The following CFAP99 variants were observed in gnomAD, a reference collection of about 807,000 sequenced individuals.
CFAP99 encodes the protein cilia- and flagella-associated protein 99.
CFAP99 carries 84 observed loss-of-function variants against 82.7 expected under a neutral mutation model. That is an observed-to-expected ratio of 1.02 (90% CI 0.85 to 1.22). The LOEUF (loss-of-function observed/expected upper bound fraction) is 1.22. Ranked by LOEUF, CFAP99 falls within the 50% of genes most tolerant of loss-of-function variation. The pLI is 0.00. For missense variants in CFAP99, 1,059 were observed against 983.5 expected (o/e 1.08, Z -1.03); for synonymous variants, 456 against 429.5 (o/e 1.06, Z -0.76).
At chr4:2,430,565 C>T (rs1733779445) in intron 2 of CFAP99, among the ~76,000 whole-genome samples, 1 of 151,720 alleles carries the variant, frequency 6.6e-6, no homozygotes, top group South Asian at 2.1e-4. Flanking sequence ...TTACGCAATA[C>T]GTAAACCAAA....
intron 2 of CFAP99, among the ~76,000 whole-genome samples, chr4:2,432,915 C>G (rs1733826974): frequency 6.6e-6 from 1 of 152,238 alleles, no homozygotes; most frequent in Non-Finnish European, 1.5e-5. Flanking sequence ...CTAGGCCCAT[C>G]TCTGCTGGCC....
In CFAP99 at chr4:2,462,423, C is replaced by T. The variant is rs1734641655; in HGVS notation, c.1662-20C>T. On this transcript the variant is annotated intron_variant, in intron 14 of 14. Transcript: ENST00000635017. This position sits in a 1 kb window ranked among gnomAD's most constrained non-coding sequence, Gnocchi z 4.1. ...GGCCTCCCGCCGGCCTGCTCCTGAG[C>T]CCGCCGCGTCGCCCGCCAGGTGGGA... The T allele has an allele frequency of 1.4e-6, 2 of 1,412,820 alleles. No homozygotes were observed. Among genetic ancestry groups the T allele is most frequent in the African/African-American group, 1.5e-5 (1 of 66,058 alleles). The allele number at this position is 1,412,820 out of a possible 1,614,324, so 87.5% of individuals were successfully genotyped here.
chr4:2,453,513 G>T (rs1174785690), intron 11 of CFAP99, among the ~76,000 whole-genome samples: 1 of 152,144 alleles, frequency 6.6e-6, no homozygotes, highest in Admixed American at 6.6e-5. Context: ...GGTCTGATCC[G>T]CATGCCCCGC....
chr4:2,432,800 G>A (rs1733824209), intron 2 of CFAP99, among the ~76,000 whole-genome samples: 1 of 152,332 alleles, frequency 6.6e-6, no homozygotes. Context: ...AGACCCTTGG[G>A]CAGCCACAGG....
At chr4:2,434,634 C>T (rs1025263711) in intron 2 of CFAP99, among the ~76,000 whole-genome samples, 1 of 152,246 alleles carries the variant, frequency 6.6e-6, no homozygotes, top group Admixed American at 6.5e-5. Context: ...CTCCCCACCA[C>T]ATCGGGTGGG....
At chr4:2,423,479 C>A (rs182045513) in intron 1 of CFAP99, among the ~76,000 whole-genome samples, 13 of 152,226 alleles carry the variant, frequency 8.5e-5, no homozygotes, top group Non-Finnish European at 1.8e-4. Context: ...GAAATCCCCA[C>A]GCCAGAGACT....
chr4:2,433,527 G>GC (rs1012730647), intron 2 of CFAP99, among the ~76,000 whole-genome samples: 1 of 152,100 alleles, frequency 6.6e-6, no homozygotes, highest in Admixed American at 6.5e-5. Flanking sequence ...ATCAGAGCCA[G>GC]CCCCCCGCAG....
At chr4:2,450,065 A>G in intron 8 of CFAP99, 60 bp downstream of exon 8, 1 of 1,495,126 alleles carries the variant, frequency 6.7e-7, no homozygotes, top group Non-Finnish European at 9.0e-7. Flanking sequence ...GCCATCAGAA[A>G]GTTCCTCCCA....
At chr4:2,421,350 C>CTTTTTTTTTTTTT (rs10632358) in intron 1 of CFAP99, among the ~76,000 whole-genome samples, 3 of 96,984 alleles carry the variant, frequency 3.1e-5, no homozygotes, top group Non-Finnish European at 3.8e-5. Flanking sequence ...TCTGCCCACC[C>CTTTTTTTTTTTTT]TTTTTTTTTT....
chr4:2,425,902 C>A (rs1733672270), intron 1 of CFAP99, among the ~76,000 whole-genome samples: 1 of 152,112 alleles, frequency 6.6e-6, no homozygotes, highest in South Asian at 2.1e-4. Flanking sequence ...GTTCCCCCAT[C>A]GTCAGGATGG....
At chr4:2,429,759 T>G (rs1733761448) in intron 2 of CFAP99, among the ~76,000 whole-genome samples, 1 of 152,044 alleles carries the variant, frequency 6.6e-6, no homozygotes, top group Non-Finnish European at 1.5e-5. Flanking sequence ...GCCCAGCTAA[T>G]TTTTTGTATT....
chr4:2,440,121 C>T (rs1361305101), intron 4 of CFAP99, among the ~76,000 whole-genome samples: 5 of 144,108 alleles, frequency 3.5e-5, no homozygotes, highest in African/African-American at 7.8e-5. Context: ...GGATTACAGG[C>T]GTGAGCCACT....
At chr4:2,419,674 CAGAA>C (rs1733505780) in intron 1 of CFAP99, among the ~76,000 whole-genome samples, 1 of 152,184 alleles carries the variant, frequency 6.6e-6, no homozygotes, top group East Asian at 1.9e-4. Context: ...GCCAGGTGCT[CAGAA>C]AGGTCCGTGG....
exon 13 of CFAP99, chr4:2,459,182 G>T (rs1410416352): frequency 6.5e-7 from 1 of 1,535,570 alleles, no homozygotes; most frequent in Non-Finnish European, 8.7e-7. Flanking sequence ...CAGCGGCGCC[G>T]TTGTGAACTC....
intron 14 of CFAP99, 56 bp downstream of exon 14, chr4:2,460,298 C>G (rs1734591381): frequency 1.4e-6 from 2 of 1,478,346 alleles, no homozygotes; most frequent in Non-Finnish European, 1.8e-6. Flanking sequence ...ATGCTGTAAG[C>G]CTGCCTTGCA....
In CFAP99 at chr4:2,449,920, T is replaced by C; in HGVS notation, c.724-14T>C. The C allele has an allele frequency of 1.6e-5, 25 of 1,536,174 alleles. No individual in the cohort carries two copies. The highest frequency in any genetic ancestry group is 2.0e-5 in the Non-Finnish European group (23 of 1,146,918). On this transcript the variant is annotated splice_polypyrimidine_tract_variant and intron_variant, in intron 7 of 14. Coordinates refer to ENST00000635017, the Ensembl canonical transcript of CFAP99. Reference sequence around the variant, plus strand: ...GAGGCTGGTGGGACTGGAGCCGCTGTGTCACTGTGGCAGGAGCTGCTGCTG... The same window carrying C: ...GAGGCTGGTGGGACTGGAGCCGCTGCGTCACTGTGGCAGGAGCTGCTGCTG...
At position 2,437,086 on chromosome 4, in the gene CFAP99, C is replaced by T; in HGVS notation, c.256+68C>T. ...TTCACTCAGGCTCTCTGCGGAAAGG[C>T]CTGGCAGGCAGGCAGCGGGCAGGCG... On this transcript the variant is annotated intron_variant, in intron 3 of 14. Coordinates refer to ENST00000635017, the Ensembl canonical transcript of CFAP99. 9.2e-6 allele frequency: 14 copies of T among 1,518,976 alleles called. 1 individual carries two copies. The South Asian group carries it at 1.7e-4, about 18-fold the overall frequency. The allele number at this position is 1,518,976 out of a possible 1,614,324, so 94.1% of individuals were successfully genotyped here.
chr4:2,451,355 G>A lies in CFAP99; in HGVS notation c.956+3G>A, dbSNP rs768553729. ...CAGGTGGAGCAGGAGCTGCAGAGGT[G>A]AAGGGCGGCAGGCCCCCCCACCTGC... is the stretch of plus-strand genomic sequence containing the variant. On this transcript the variant is annotated splice_donor_region_variant and intron_variant, in intron 10 of 14. Transcript: ENST00000635017. The A allele has an allele frequency of 1.4e-5, 22 of 1,535,252 alleles. No homozygotes were observed. The South Asian group carries it at 2.3e-4, about 16-fold the overall frequency.
intron 2 of CFAP99, among the ~76,000 whole-genome samples, chr4:2,435,852 CG>C: frequency 1.3e-5 from 2 of 148,388 alleles, no homozygotes. Context: ...CTCAGGAGGC[CG>C]AGGTGGGAAG....
Sources: allele counts gnomAD v4.1 joint callset (sites outside exome capture counted in the v4.1 genomes callset), GRCh38; gene constraint gnomAD v4.1.1; non-coding constraint Gnocchi (gnomAD v3.1); transcripts MANE v1.5; gene names NCBI Gene and HGNC (gene_info 2026-07-23, HGNC 2026-07-21).